ALDH1L2: variants seen among roughly 807,000 people sequenced by gnomAD.
ALDH1L2 encodes mitochondrial 10-formyltetrahydrofolate dehydrogenase.
Under a neutral mutation model 111.0 loss-of-function variants are expected in ALDH1L2, and 91 were observed. That is an observed-to-expected ratio of 0.82 (90% confidence interval 0.69 to 0.98). The LOEUF is 0.98. ALDH1L2 is among the 50% of genes least tolerant of loss of function. ALDH1L2 has a pLI of 0.00. For missense variants in ALDH1L2, 995 were observed against 1,126.8 expected, an observed-to-expected ratio of 0.88 and a Z score of 1.67; for synonymous variants, 374 against 392.6, an observed-to-expected ratio of 0.95 and a Z score of 0.56.
In ALDH1L2 at chr12:105,020,810, G is replaced by A. The variant is rs925495561; in HGVS notation, c.*3614C>T. 2 of 152,226 alleles carry A rather than the reference G, an allele frequency of 1.3e-5. No individual in the cohort carries two copies. The highest frequency in any genetic ancestry group is 4.8e-5 in the African/African-American group (2 of 41,428). 9.4% of individuals were successfully genotyped at this position (152,226 alleles called of 1,614,324 possible). On this transcript the variant is annotated 3_prime_UTR_variant, in exon 23 of 23. Coordinates refer to ENST00000258494, the MANE Select transcript of ALDH1L2 (RefSeq NM_001034173.4). ...TGCAGGAAGAGGCAGTGGTGTGCTG[G>A]TGCTGGCTTGCATTTGTTCTGATGG...
At chr12:105,051,534 C>T (rs7313884) in intron 12 of ALDH1L2, among the ~76,000 whole-genome samples, 34,448 of 152,070 alleles carry the variant, frequency 0.23, 6,742 homozygotes, top group African/African-American at 0.54. Flanking sequence ...GTTTCAGTAT[C>T]CTTTATTGGA....
intron 17 of ALDH1L2, among the ~76,000 whole-genome samples, chr12:105,039,149 G>T (rs1374951252): frequency 6.6e-6 from 1 of 152,104 alleles, no homozygotes; most frequent in Non-Finnish European, 1.5e-5. Context: ...ACATAGTTGA[G>T]ATCATCCAGT....
At chr12:105,083,255 G>A (rs1407897659) in intron 1 of ALDH1L2, among the ~76,000 whole-genome samples, 1 of 152,204 alleles carries the variant, frequency 6.6e-6, no homozygotes, top group Admixed American at 6.5e-5. Context: ...GATCCCATGT[G>A]CCACGTGGTG....
intron 2 of ALDH1L2, 140 bp from the exon 3 acceptor site, chr12:105,070,944 A>C: frequency 1.4e-6 from 1 of 738,588 alleles, no homozygotes; most frequent in East Asian, 2.7e-5. Flanking sequence ...TTGTGACTAG[A>C]ATTTCACCTG....
chr12:105,052,150 G>C lies in ALDH1L2; in HGVS notation c.1475C>G (p.Ala492Gly), dbSNP rs1349183264. The C allele has an allele frequency of 6.2e-7, 1 of 1,611,676 alleles. No homozygotes were observed. Among genetic ancestry groups the C allele is most frequent in the Admixed American group, 1.7e-5 (1 of 59,858 alleles). Residue 492 changes from alanine to glycine, a missense_variant, in exon 12 of 23, where the codon GCT (alanine) becomes GGT (glycine). By Grantham distance (60) the Ala-to-Gly change is moderately conservative. Transcript: ENST00000258494. ...VDKAVAAAKDAFENGEWGRMN... is the reference protein window; with the variant it reads ...VDKAVAAAKDGFENGEWGRMN... ...TCTTCCCCATTCACCGTTTTCAAAAGCATCTTTTGCTGCTGCTACTGCTTT... is the reference window on the plus strand; with the variant it reads ...TCTTCCCCATTCACCGTTTTCAAAACCATCTTTTGCTGCTGCTACTGCTTT...
chr12:105,042,334 T>C (rs1461629887), intron 15 of ALDH1L2, among the ~76,000 whole-genome samples: 4 of 152,216 alleles, frequency 2.6e-5, no homozygotes, highest in African/African-American at 9.7e-5. Context: ...GAGAAAGTAA[T>C]TTGAGAATTG....
chr12:105,067,215 C>CAAAAAAAAAAA (rs11334156), intron 4 of ALDH1L2, among the ~76,000 whole-genome samples: 36 of 97,190 alleles, frequency 3.7e-4, no homozygotes, highest in Non-Finnish European at 4.9e-4. Flanking sequence ...GACTCTGTCT[C>CAAAAAAAAAAA]AAAAAAAAAA....
In ALDH1L2 at chr12:105,035,878, C is replaced by CGTATATTTATATATGTATATATATTAT. The variant is rs1565951309; in HGVS notation, c.2146-1481_2146-1480insATAATATATATACATATATAAATATAC. Among the ~76,000 whole-genome samples, 433 of 107,814 alleles carry CGTATATTTATATATGTATATATATTAT rather than the reference C, an allele frequency of 4.0e-3. 70 individuals are homozygous for CGTATATTTATATATGTATATATATTAT. The highest frequency in any genetic ancestry group is 0.017 in the African/African-American group (346 of 20,136). The allele number at this position is 107,814 out of a possible 152,430, so 70.7% of individuals were successfully genotyped here. On this transcript the variant is annotated intron_variant, in intron 18 of 22. Transcript: ENST00000258494. Reference sequence around the variant, plus strand: ...GTGTGTGTGTGTGTATACACACACACATATATATACGTATATTTATATGTG... The same window carrying CGTATATTTATATATGTATATATATTAT: ...GTGTGTGTGTGTGTATACACACACACGTATATTTATATATGTATATATATTATATATATATACGTATATTTATATGTG...
At chr12:105,063,071 C>A in intron 6 of ALDH1L2, 49 bp from the exon 7 acceptor site, 1 of 1,588,574 alleles carries the variant, frequency 6.3e-7, no homozygotes, top group South Asian at 1.2e-5. Context: ...AAAAGCTGTT[C>A]ATAGCGGTAT....
chr12:105,042,199 C>T (rs1368227124), intron 15 of ALDH1L2, among the ~76,000 whole-genome samples: 2 of 152,134 alleles, frequency 1.3e-5, no homozygotes, highest in African/African-American at 2.4e-5. Context: ...TACCTTTATC[C>T]GATATCTTAG....
At position 105,062,882 on chromosome 12, in the gene ALDH1L2, ACT is replaced by A. The variant is rs1877083999; in HGVS notation, c.921+4_921+5del. On this transcript the variant is annotated splice_donor_5th_base_variant and intron_variant, in intron 7 of 22. Coordinates refer to ENST00000258494, the MANE Select transcript of ALDH1L2 (RefSeq NM_001034173.4). ...TATTTCATAGGCAGCCATATTTAACACTCACTGCTTTTCCATCGTTACCAAAA... is the reference window on the plus strand; with the variant it reads ...TATTTCATAGGCAGCCATATTTAACACACTGCTTTTCCATCGTTACCAAAA... 1 of 1,609,722 alleles carries A rather than the reference ACT, an allele frequency of 6.2e-7. No homozygotes were observed. Among genetic ancestry groups the A allele is most frequent in the Non-Finnish European group, 8.5e-7 (1 of 1,178,664 alleles).
chr12:105,044,384 A>G (rs898905756), intron 15 of ALDH1L2, among the ~76,000 whole-genome samples: 8 of 128,878 alleles, frequency 6.2e-5, no homozygotes, highest in Non-Finnish European at 1.0e-4. Context: ...TCTCCAACTC[A>G]GACCAATTAA....
At chr12:105,071,378 C>T (rs562646874) in intron 2 of ALDH1L2, among the ~76,000 whole-genome samples, 60 of 150,120 alleles carry the variant, frequency 4.0e-4, no homozygotes, top group Non-Finnish European at 7.9e-4. Context: ...AATACATGCT[C>T]AGCTCCTGCT....
chr12:105,060,150 C>G (rs1229371176), intron 9 of ALDH1L2, among the ~76,000 whole-genome samples: 1 of 150,724 alleles, frequency 6.6e-6, no homozygotes, highest in African/African-American at 2.4e-5. Flanking sequence ...CTAGATCTGT[C>G]TTACTAGGTA....
chr12:105,082,807 T>C lies in ALDH1L2; in HGVS notation c.48+1582A>G, dbSNP rs541237831. Among the ~76,000 whole-genome samples the C allele has an allele frequency of 7.9e-5, 12 of 152,374 alleles. No individual in the cohort carries two copies. The South Asian group carries it at 2.5e-3, about 32-fold the overall frequency. ...GTTTTCCAAAGTGGCTGTACCATTT[T>C]ATATTTCCACCAGCCATGTATCTGT... On this transcript the variant is annotated intron_variant, in intron 1 of 22. Transcript: ENST00000258494.
At chr12:105,028,362 C>T (rs900960937) in intron 21 of ALDH1L2, among the ~76,000 whole-genome samples, 2 of 152,226 alleles carry the variant, frequency 1.3e-5, no homozygotes, top group Non-Finnish European at 2.9e-5. Flanking sequence ...ATCCGCCTGC[C>T]TTGGCCTTCC....
chr12:105,055,150 C>A (rs142063358), intron 10 of ALDH1L2, among the ~76,000 whole-genome samples: 111 of 152,262 alleles, frequency 7.3e-4, no homozygotes, highest in African/African-American at 2.5e-3. Flanking sequence ...GACTTTGAGG[C>A]TCTGTGCAGG....
chr12:105,024,554 G>A (rs371157817), intron 22 of ALDH1L2, 75 bp from the exon 23 acceptor site: 4 of 1,404,106 alleles, frequency 2.8e-6, no homozygotes, highest in East Asian at 2.3e-5. Context: ...TCAGACATAG[G>A]TATACGTAGG....
rs187752137 is a variant in ALDH1L2 at position 105,052,139 on chromosome 12, C to T, written c.1486G>A (p.Gly496Ser). The T allele has an allele frequency of 3.5e-5, 57 of 1,611,692 alleles. No homozygotes were observed. In the East Asian group the frequency reaches 3.8e-4, roughly 11 times the overall value. ...CTTGCATTCATTCTTCCCCATTCAC[C>T]GTTTTCAAAAGCATCTTTTGCTGCT... ...VAAAKDAFEN[G>S]EWGRMNARER... The change falls in exon 12 of 23, where the codon GGT becomes AGT. Residue 496 changes from glycine (G) to serine (S), a missense_variant. Gly to Ser is a moderately conservative substitution (Grantham distance 56, BLOSUM62 0). Transcript: ENST00000258494.
Sources: allele counts gnomAD v4.1 joint callset (sites outside exome capture counted in the v4.1 genomes callset), GRCh38; gene constraint gnomAD v4.1.1; transcripts MANE v1.5; gene names NCBI Gene and HGNC (gene_info 2026-07-23, HGNC 2026-07-21).